Variants in KCNAB2 observed in about 807,000 individuals in gnomAD.
KCNAB2 encodes potassium voltage-gated channel subfamily A regulatory beta subunit 2.
KCNAB2 carries 29 observed loss-of-function variants against 63.6 expected under a neutral mutation model. That is an observed-to-expected ratio of 0.46 (90% CI 0.34 to 0.62). The LOEUF (loss-of-function observed/expected upper bound fraction) is 0.62, where lower values mean the gene tolerates loss of function less well. KCNAB2 is among the 20% of genes least tolerant of loss of function. The probability of loss-of-function intolerance (pLI) is 0.01; values close to 1 mark genes in which losing one functional copy is unlikely to be tolerated. For missense variants in KCNAB2, 359 were observed against 563.9 expected, an observed-to-expected ratio of 0.64 and a Z score of 3.68; for synonymous variants, 222 against 224.2, an observed-to-expected ratio of 0.99 and a Z score of 0.09.
chr1:6,065,342 G>A (rs931358208), intron 2 of KCNAB2, among the ~76,000 whole-genome samples: 1 of 152,250 alleles, frequency 6.6e-6, no homozygotes, highest in Non-Finnish European at 1.5e-5. Flanking sequence ...CAGGCGGCTT[G>A]TGCATCCTGC....
chr1:6,080,203 T>G (rs1664074222), intron 4 of KCNAB2, among the ~76,000 whole-genome samples: 1 of 152,136 alleles, frequency 6.6e-6, no homozygotes, highest in African/African-American at 2.4e-5. Flanking sequence ...GGCTCTCTCC[T>G]CCTGGGCCTG....
At chr1:6,045,072 G>A (rs927195959), upstream of KCNAB2, among the ~76,000 whole-genome samples, 16 of 152,188 alleles carry the variant, frequency 1.1e-4, no homozygotes, top group South Asian at 2.1e-4. The surrounding 1 kb of genome is among the most constrained non-coding windows in gnomAD (Gnocchi z 4.8). Context: ...CAAGGCCTTC[G>A]CAGCTAGTCA....
intron 2 of KCNAB2, among the ~76,000 whole-genome samples, chr1:6,053,940 G>A (rs549335966): frequency 1.3e-5 from 2 of 151,750 alleles, no homozygotes; most frequent in African/African-American, 2.4e-5. Flanking sequence ...CTACACAGGC[G>A]GCTGATGCAG....
chr1:6,007,114 C>T (rs1657843613), intron 1 of KCNAB2, among the ~76,000 whole-genome samples: 1 of 152,114 alleles, frequency 6.6e-6, no homozygotes, highest in Admixed American at 6.6e-5. Context: ...CCGAGGCTGC[C>T]ATAGAGACTC....
At chr1:6,062,918 TAGG>T (rs1662438781) in intron 2 of KCNAB2, among the ~76,000 whole-genome samples, 1 of 152,212 alleles carries the variant, frequency 6.6e-6, no homozygotes, top group African/African-American at 2.4e-5. Flanking sequence ...GCCACAATTT[TAGG>T]ATATGTTCAT....
chr1:5,999,373 A>G (rs1406910193), intron 1 of KCNAB2, among the ~76,000 whole-genome samples: 3 of 152,172 alleles, frequency 2.0e-5, no homozygotes. Context: ...CAGGGGTTCC[A>G]AGAACATGCT....
At chr1:6,034,056 C>T (rs1027580230), upstream of KCNAB2, among the ~76,000 whole-genome samples, 5 of 152,170 alleles carry the variant, frequency 3.3e-5, no homozygotes, top group East Asian at 1.9e-4. Flanking sequence ...TCCCAAGTCC[C>T]GGAGGTGTCA....
intron 1 of KCNAB2, among the ~76,000 whole-genome samples, chr1:6,000,079 CTCTG>C (rs899458521): frequency 3.3e-5 from 5 of 152,116 alleles, no homozygotes; most frequent in Non-Finnish European, 7.4e-5. Context: ...CCTGCCTGCA[CTCTG>C]TCTGTGCCCC....
intron 10 of KCNAB2, among the ~76,000 whole-genome samples, chr1:6,093,540 C>G (rs767126843): frequency 6.6e-6 from 1 of 152,250 alleles, no homozygotes; most frequent in Non-Finnish European, 1.5e-5. Flanking sequence ...AAAAGGCCAG[C>G]GTGAAGTCTC....
chr1:6,083,610 C>A (rs1664400527), intron 5 of KCNAB2, among the ~76,000 whole-genome samples: 1 of 152,240 alleles, frequency 6.6e-6, no homozygotes, highest in South Asian at 2.1e-4. Flanking sequence ...CCTGGGCCGG[C>A]CACTGCGGTC....
At chr1:6,023,163 T>C (rs905399887) in intron 1 of KCNAB2, among the ~76,000 whole-genome samples, 9 of 152,242 alleles carry the variant, frequency 5.9e-5, no homozygotes, top group Admixed American at 3.9e-4. Flanking sequence ...ATTACAGACA[T>C]GAGCCACCAT....
At chr1:6,088,707 AAT>A (rs1305934203) in intron 7 of KCNAB2, among the ~76,000 whole-genome samples, 114 of 16,136 alleles carry the variant, frequency 7.1e-3, no homozygotes, top group African/African-American at 0.025. Flanking sequence ...TTTAAAAAAT[AAT>A]AATAATAATA....
At chr1:6,063,892 ATAGC>A (rs1373249337) in intron 2 of KCNAB2, among the ~76,000 whole-genome samples, 3 of 152,148 alleles carry the variant, frequency 2.0e-5, no homozygotes, top group East Asian at 1.9e-4. Context: ...ATTTGAGGAC[ATAGC>A]TAGCGGGGGG....
rs1041634117 is a variant in KCNAB2 at position 6,071,737 on chromosome 1, C to T, written c.219-1018C>T. ...GCTCTGCTGCGTAGGACTCCTGCGG[C>T]GAGGGCTCCCTCCTGCCGCGTGGGC... On this transcript the variant is annotated intron_variant, in intron 2 of 15. Transcript: ENST00000378083. This position sits in a 1 kb window ranked among gnomAD's most constrained non-coding sequence, Gnocchi z 8.5. 1.3e-5 allele frequency among the ~76,000 whole-genome samples: 2 copies of T among 152,008 alleles called. No homozygotes were observed. Among genetic ancestry groups the T allele is most frequent in the African/African-American group, 4.8e-5 (2 of 41,400 alleles).
At chr1:6,002,091 C>T (rs997007114) in intron 1 of KCNAB2, among the ~76,000 whole-genome samples, 3 of 152,312 alleles carry the variant, frequency 2.0e-5, no homozygotes, top group African/African-American at 4.8e-5. Context: ...GGTAATGCCC[C>T]GGCCATGTCA....
At position 6,090,292 on chromosome 1, in the gene KCNAB2, C is replaced by A. The variant is rs1665075780; in HGVS notation, c.515-97C>A. On this transcript the variant is annotated intron_variant, in intron 8 of 15. Coordinates refer to ENST00000378083, the MANE Select transcript of KCNAB2 (RefSeq NM_001199862.2). ...AGCTTCCAGATGCCAGAGGCCTCTT[C>A]TCCATCTCTTGTTCCCTGAGCCGGG... is the stretch of plus-strand genomic sequence containing the variant. The A allele has an allele frequency of 2.4e-6, 2 of 823,420 alleles. 1 individual carries two copies. The highest frequency in any genetic ancestry group is 3.4e-5 in the South Asian group (2 of 59,498). The allele number at this position is 823,420 out of a possible 1,614,324, so 51.0% of individuals were successfully genotyped here.
intron 15 of KCNAB2, 85 bp from the exon 16 acceptor site, chr1:6,098,400 T>G: frequency 6.3e-7 from 1 of 1,575,870 alleles, no homozygotes. Flanking sequence ...CAGCCGACCA[T>G]CTGGAAGAGC....
chr1:6,070,977 T>C (rs1309671399), intron 2 of KCNAB2, among the ~76,000 whole-genome samples: 1 of 152,160 alleles, frequency 6.6e-6, no homozygotes, highest in Non-Finnish European at 1.5e-5. Flanking sequence ...GTGGTTTTAA[T>C]AGGAAATTGA....
intron 2 of KCNAB2, among the ~76,000 whole-genome samples, chr1:6,052,959 TCTGCGTGCTC>T (rs1302825371): frequency 6.6e-6 from 1 of 152,194 alleles, no homozygotes; most frequent in Non-Finnish European, 1.5e-5. Flanking sequence ...CTAGGGATCA[TCTGCGTGCTC>T]TGTGCAGAGT....
Sources: allele counts gnomAD v4.1 joint callset (sites outside exome capture counted in the v4.1 genomes callset), GRCh38; gene constraint gnomAD v4.1.1; non-coding constraint Gnocchi (gnomAD v3.1); transcripts MANE v1.5; gene names NCBI Gene and HGNC (gene_info 2026-07-23, HGNC 2026-07-21).